The following SLC7A11 variants were observed in gnomAD, a reference collection of about 807,000 sequenced individuals.
SLC7A11 encodes the protein cystine/glutamate transporter.
Under a neutral mutation model 54.5 loss-of-function variants are expected in SLC7A11, and 35 were observed. That is an observed-to-expected ratio of 0.64 (90% CI 0.49 to 0.85). The LOEUF is 0.85. Among genes scored for constraint, SLC7A11 ranks in the 40% least tolerant of loss-of-function variants. The pLI, the probability that SLC7A11 is intolerant of heterozygous loss-of-function variation, is 0.00. For missense variants in SLC7A11, 583 were observed against 618.1 expected, an observed-to-expected ratio of 0.94 and a Z score of 0.60; for synonymous variants, 230 against 225.2, an observed-to-expected ratio of 1.02 and a Z score of -0.19.
intron 5 of SLC7A11, among the ~76,000 whole-genome samples, chr4:138,216,116 C>T (rs1737674479): frequency 6.6e-6 from 1 of 152,144 alleles, no homozygotes; most frequent in African/African-American, 2.4e-5. Context: ...CTTTGGTTTA[C>T]AACACTTCAA....
intron 3 of SLC7A11, among the ~76,000 whole-genome samples, chr4:138,224,778 G>A (rs1578666146): frequency 6.9e-6 from 1 of 144,240 alleles, no homozygotes; most frequent in Admixed American, 7.1e-5. Flanking sequence ...ATGGAAAGAA[G>A]GAAGGAAGGA....
intron 5 of SLC7A11, among the ~76,000 whole-genome samples, chr4:138,216,115 A>T (rs62324386): frequency 0.17 from 25,360 of 152,160 alleles, 2,401 homozygotes; most frequent in East Asian, 0.32. Context: ...TCTTTGGTTT[A>T]CAACACTTCA....
At chr4:138,195,707 C>T (rs1737115157) in intron 6 of SLC7A11, among the ~76,000 whole-genome samples, 2 of 152,178 alleles carry the variant, frequency 1.3e-5, no homozygotes, top group Non-Finnish European at 2.9e-5. Context: ...TCTTCTGACT[C>T]CTTATAGTCT....
At chr4:138,188,837 AC>A (rs1271764247) in intron 6 of SLC7A11, among the ~76,000 whole-genome samples, 1 of 152,156 alleles carries the variant, frequency 6.6e-6, no homozygotes, top group Non-Finnish European at 1.5e-5. Flanking sequence ...AAAATGACTC[AC>A]TCTTAACAAA....
At chr4:138,214,530 T>A in intron 6 of SLC7A11, 55 bp downstream of exon 6, 1 of 1,040,212 alleles carries the variant, frequency 9.6e-7, no homozygotes, top group South Asian at 1.5e-5. Flanking sequence ...TTTTAAACTA[T>A]GTAATCTTAA....
rs1208225498 is a variant in SLC7A11 at position 138,170,985 on chromosome 4, A to G, written c.*971T>C. The G allele has an allele frequency of 6.6e-6, 1 of 152,212 alleles. No homozygotes were observed. The highest frequency in any genetic ancestry group is 2.4e-5 in the African/African-American group (1 of 41,452). 9.4% of individuals were successfully genotyped at this position (152,212 alleles called of 1,614,324 possible). A position where few individuals can be genotyped will look rare whatever the true frequency, so the allele number is the denominator to read the frequency against. On this transcript the variant is annotated 3_prime_UTR_variant, in exon 12 of 12. Transcript: ENST00000280612. ...CATAAATTTAAAAAACTTCAGAATT[A>G]CTAACATTGCATGTAGATATGATTA... is the stretch of plus-strand genomic sequence containing the variant.
At chr4:138,197,791 C>A (rs886699867) in intron 6 of SLC7A11, among the ~76,000 whole-genome samples, 1 of 151,498 alleles carries the variant, frequency 6.6e-6, no homozygotes, top group African/African-American at 2.4e-5. Context: ...AAGAGTATTA[C>A]AAACTTTTAA....
intron 6 of SLC7A11, among the ~76,000 whole-genome samples, chr4:138,187,532 CG>C (rs1271287104): frequency 6.6e-6 from 1 of 152,116 alleles, no homozygotes; most frequent in Non-Finnish European, 1.5e-5. Flanking sequence ...CCTTGAAATT[CG>C]GGCATTTGGA....
intron 4 of SLC7A11, among the ~76,000 whole-genome samples, chr4:138,222,155 C>T (rs1011185979): frequency 6.6e-6 from 1 of 152,128 alleles, no homozygotes; most frequent in Non-Finnish European, 1.5e-5. Context: ...AAAGCATTTC[C>T]GCCAGCAGGG....
At chr4:138,191,766 A>G (rs1457227331) in intron 6 of SLC7A11, among the ~76,000 whole-genome samples, 1 of 152,262 alleles carries the variant, frequency 6.6e-6, no homozygotes, top group African/African-American at 2.4e-5. Context: ...TTTCATACAC[A>G]CAAAAAATTT....
intron 6 of SLC7A11, among the ~76,000 whole-genome samples, chr4:138,188,243 A>G (rs566580194): frequency 8.5e-4 from 130 of 152,152 alleles, no homozygotes; most frequent in African/African-American, 3.0e-3. Context: ...TTTTATCTTT[A>G]TTAGAGACAG....
intron 6 of SLC7A11, among the ~76,000 whole-genome samples, chr4:138,201,465 G>A (rs1737285262): frequency 6.6e-6 from 1 of 152,086 alleles, no homozygotes; most frequent in Non-Finnish European, 1.5e-5. Context: ...AAAACTATGA[G>A]CCTGTCTCCT....
chr4:138,194,931 A>G (rs2148422562), intron 6 of SLC7A11, among the ~76,000 whole-genome samples: 1 of 152,340 alleles, frequency 6.6e-6, no homozygotes, highest in African/African-American at 2.4e-5. Context: ...AGTTAAGCCC[A>G]CTTGCTCATG....
intron 6 of SLC7A11, among the ~76,000 whole-genome samples, chr4:138,186,602 C>T (rs1736886663): frequency 1.3e-5 from 2 of 152,092 alleles, no homozygotes; most frequent in Non-Finnish European, 2.9e-5. Context: ...GGTCCCCTTC[C>T]CTAGTGTGAA....
intron 6 of SLC7A11, among the ~76,000 whole-genome samples, chr4:138,195,965 T>C (rs1328087557): frequency 5.3e-5 from 8 of 152,150 alleles, no homozygotes; most frequent in Non-Finnish European, 1.5e-5. Flanking sequence ...ATTTATTTTT[T>C]ATTATTTTTA....
At chr4:138,179,434 C>G in intron 10 of SLC7A11, 40 bp from the exon 11 acceptor site, 1 of 1,571,762 alleles carries the variant, frequency 6.4e-7, no homozygotes, top group Admixed American at 1.7e-5. Flanking sequence ...CAAACATGTT[C>G]AAGCAACAGA....
rs751160082 is a variant in SLC7A11 at position 138,241,923 on chromosome 4, TC to T, written c.146del (p.Gly49GlufsTer32). 1.1e-5 allele frequency: 17 copies of T among 1,613,926 alleles called. No homozygotes were observed. Among genetic ancestry groups the T allele is most frequent in the Non-Finnish European group, 1.4e-5 (17 of 1,179,912 alleles). On this transcript the variant is annotated frameshift_variant, in exon 1 of 12. Transcript: ENST00000280612. LOFTEE classifies it high-confidence loss of function. ...QLKRKVTLLRGVSIIIGTIIG... is the reference protein window; with the variant it reads ...QLKRKVTLLRXVSIIIGTIIG... ...TGATGGTGCCAATGATAATGGAGAC[TC>T]CCCTCAGTAAAGTGACTTTCCTCTT...
At chr4:138,221,180 G>T (rs1035634138) in intron 4 of SLC7A11, among the ~76,000 whole-genome samples, 1 of 152,094 alleles carries the variant, frequency 6.6e-6, no homozygotes, top group African/African-American at 2.4e-5. Flanking sequence ...TGGGTCACAA[G>T]CAAAGATCTT....
chr4:138,198,534 T>A (rs1286706402), intron 6 of SLC7A11, among the ~76,000 whole-genome samples: 1 of 152,152 alleles, frequency 6.6e-6, no homozygotes, highest in African/African-American at 2.4e-5. Flanking sequence ...TAACCAGGAT[T>A]TTTTAAAATA....
Sources: allele counts gnomAD v4.1 joint callset (sites outside exome capture counted in the v4.1 genomes callset), GRCh38; gene constraint gnomAD v4.1.1; transcripts MANE v1.5; gene names NCBI Gene and HGNC (gene_info 2026-07-23, HGNC 2026-07-21).